The following CHST11 variants were observed in gnomAD, a reference collection of about 807,000 sequenced individuals.
CHST11 encodes C4S-1.
CHST11 carries 9 observed loss-of-function variants against 30.4 expected under a neutral mutation model. That is an observed-to-expected ratio of 0.30 (90% CI 0.18 to 0.52). CHST11 has a LOEUF of 0.52. CHST11 is among the 20% of genes least tolerant of loss of function. The pLI is 0.97. For missense variants in CHST11, 348 were observed against 460.6 expected, an observed-to-expected ratio of 0.76 and a Z score of 2.24; for synonymous variants, 152 against 187.8, an observed-to-expected ratio of 0.81 and a Z score of 1.56.
chr12:104,547,388 T>C (rs1353849521), intron 1 of CHST11, among the ~76,000 whole-genome samples: 2 of 152,168 alleles, frequency 1.3e-5, no homozygotes, highest in Admixed American at 6.5e-5. Context: ...CCGTTCAGGT[T>C]GTGTCGTCTC....
chr12:104,473,911 A>T (rs1271203784), intron 1 of CHST11, among the ~76,000 whole-genome samples: 1 of 152,044 alleles, frequency 6.6e-6, no homozygotes, highest in African/African-American at 2.4e-5. Flanking sequence ...AAACATCACC[A>T]TCATCACCAC....
Position 104,622,800 on chromosome 12 carries a change from G to A in CHST11, c.204+20809G>A, listed in dbSNP as rs149153556. Among the ~76,000 whole-genome samples, 928 of 152,258 alleles carry A rather than the reference G, an allele frequency of 6.1e-3. 11 individuals are homozygous for A. The highest frequency in any genetic ancestry group is 9.6e-3 in the Non-Finnish European group (651 of 68,016). ...ACTAAATGAAGATAATGCAATAAAC[G>A]GCTGAGACCCATGCCAAGCACATGG... On this transcript the variant is annotated intron_variant, in intron 2 of 2. Transcript: ENST00000303694.
chr12:104,677,479 C>G (rs1019549931), intron 2 of CHST11, among the ~76,000 whole-genome samples: 1 of 152,200 alleles, frequency 6.6e-6, no homozygotes, highest in Non-Finnish European at 1.5e-5. Flanking sequence ...TCTTTTGTGA[C>G]AGCATTTATA....
chr12:104,482,215 C>T (rs7961056), intron 1 of CHST11, among the ~76,000 whole-genome samples: 64,951 of 150,692 alleles, frequency 0.43, 15,765 homozygotes, highest in African/African-American at 0.66. Flanking sequence ...GCCTTCCTTT[C>T]GCCTTCCCCC....
chr12:104,593,748 A>G lies in CHST11; in HGVS notation c.119-8158A>G, dbSNP rs147920413. On this transcript the variant is annotated intron_variant, in intron 1 of 2. Coordinates refer to ENST00000303694, the MANE Select transcript of CHST11 (RefSeq NM_018413.6). ...TTTGAGCCTCAGCTTCCTTGTCTGT[A>G]AAATGGGTGTGATACGACCTACCTC... 6.8e-3 allele frequency among the ~76,000 whole-genome samples: 1,039 copies of G among 152,288 alleles called. 14 individuals carry two copies. Among genetic ancestry groups the G allele is most frequent in the African/African-American group, 0.024 (989 of 41,556 alleles).
Position 104,595,479 on chromosome 12 carries a change from G to A in CHST11, c.119-6427G>A, listed in dbSNP as rs1273790675. On this transcript the variant is annotated intron_variant, in intron 1 of 2. Coordinates refer to ENST00000303694, the MANE Select transcript of CHST11 (RefSeq NM_018413.6). ...CAATTCTAGGGCTTGTTTAACCCAT[G>A]GTTCTACAGGGAGATGCCCCACCGC... is the stretch of plus-strand genomic sequence containing the variant. 2.0e-5 allele frequency among the ~76,000 whole-genome samples: 3 copies of A among 152,140 alleles called. No individual in the cohort carries two copies. The South Asian group carries it at 6.2e-4, about 32-fold the overall frequency.
chr12:104,620,704 C>T (rs995129154), intron 2 of CHST11, among the ~76,000 whole-genome samples: 10 of 152,124 alleles, frequency 6.6e-5, no homozygotes, highest in African/African-American at 2.2e-4. Flanking sequence ...GCAAAATGAG[C>T]TTATTTTCTT....
intron 2 of CHST11, among the ~76,000 whole-genome samples, chr12:104,746,089 C>T (rs897978559): frequency 6.6e-6 from 1 of 152,172 alleles, no homozygotes; most frequent in African/African-American, 2.4e-5. Flanking sequence ...ATTCTGACTT[C>T]TCTTGAGAAA....
chr12:104,587,217 A>C (rs1415483997), intron 1 of CHST11, among the ~76,000 whole-genome samples: 2 of 152,150 alleles, frequency 1.3e-5, no homozygotes, highest in Admixed American at 6.5e-5. Context: ...TAAATTTCGA[A>C]TCTTACTCTT....
At chr12:104,712,449 G>T (rs932067618) in intron 2 of CHST11, among the ~76,000 whole-genome samples, 1 of 152,096 alleles carries the variant, frequency 6.6e-6, no homozygotes, top group South Asian at 2.1e-4. Context: ...TTCTTTACAC[G>T]TGAGGACATT....
intron 1 of CHST11, among the ~76,000 whole-genome samples, chr12:104,491,918 G>C (rs943094418): frequency 6.6e-6 from 1 of 152,098 alleles, no homozygotes; most frequent in African/African-American, 2.4e-5. Flanking sequence ...AGCCTCACTT[G>C]CTGTGCTCCA....
rs200218715 is a variant in CHST11, at chr12:104,614,526, A to AT, written c.204+12544dup. Reference sequence around the variant, plus strand: ...TGCCACTGCTCTCCAGCCTGGTTGGATTTTTTTTTGATTAAAAAAATTTAA... The same window carrying AT: ...TGCCACTGCTCTCCAGCCTGGTTGGATTTTTTTTTTGATTAAAAAAATTTAA... On this transcript the variant is annotated intron_variant, in intron 2 of 2. Transcript: ENST00000303694. Among the ~76,000 whole-genome samples, 1,167 of 151,710 alleles carry AT rather than the reference A, an allele frequency of 7.7e-3. 52 individuals are homozygous for AT. The East Asian group carries it at 0.12, about 15-fold the overall frequency.
chr12:104,642,824 A>C (rs147257061), intron 2 of CHST11, among the ~76,000 whole-genome samples: 1 of 151,968 alleles, frequency 6.6e-6, no homozygotes, highest in African/African-American at 2.4e-5. Context: ...TACAATGAAC[A>C]TTTATTACTT....
intron 2 of CHST11, among the ~76,000 whole-genome samples, chr12:104,735,888 G>C (rs1232381328): frequency 1.3e-5 from 2 of 152,196 alleles, no homozygotes; most frequent in Admixed American, 6.5e-5. Flanking sequence ...GGTCTGGAGG[G>C]GACCCAGGCT....
At chr12:104,612,001 C>G (rs61056484) in intron 2 of CHST11, among the ~76,000 whole-genome samples, 3,037 of 152,322 alleles carry the variant, frequency 0.02, 111 homozygotes, top group African/African-American at 0.069. Flanking sequence ...CCTCTCTCGC[C>G]GCTTAGCCCA....
At chr12:104,487,423 G>C (rs751981302) in intron 1 of CHST11, among the ~76,000 whole-genome samples, 32 of 152,090 alleles carry the variant, frequency 2.1e-4, no homozygotes, top group African/African-American at 3.1e-4. Flanking sequence ...CACCACACCT[G>C]GTTAATTTTT....
At chr12:104,584,628 A>G (rs2038783814) in intron 1 of CHST11, among the ~76,000 whole-genome samples, 1 of 152,002 alleles carries the variant, frequency 6.6e-6, no homozygotes, top group African/African-American at 2.4e-5. Context: ...GACCCACATA[A>G]TATTTTGAAT....
At chr12:104,526,373 A>G (rs552814375) in intron 1 of CHST11, among the ~76,000 whole-genome samples, 1 of 152,314 alleles carries the variant, frequency 6.6e-6, no homozygotes, top group South Asian at 2.1e-4. Context: ...ATTGAGCTCC[A>G]TATAGGGGCT....
At chr12:104,533,779 G>A (rs752759077) in intron 1 of CHST11, among the ~76,000 whole-genome samples, 1 of 152,188 alleles carries the variant, frequency 6.6e-6, no homozygotes, top group Admixed American at 6.5e-5. Flanking sequence ...CAATCAATAA[G>A]CAATGAAAAG....
Sources: gnomAD v4.1 joint callset for allele counts (sites outside exome capture counted in the v4.1 genomes callset) on GRCh38, gnomAD v4.1.1 for gene constraint, MANE v1.5 for transcripts, NCBI Gene and HGNC (gene_info 2026-07-23, HGNC 2026-07-21) for gene names.